Variants in QSOX1 observed in about 807,000 individuals in gnomAD.
QSOX1 encodes quiescin sulfhydryl oxidase 1.
QSOX1 carries 40 observed loss-of-function variants against 76.1 expected under a neutral mutation model. That is an observed-to-expected ratio of 0.53 (90% CI 0.41 to 0.68). QSOX1 has a LOEUF of 0.68. Ranked by LOEUF, QSOX1 falls within the 30% of genes least tolerant of loss-of-function variation. The probability of loss-of-function intolerance (pLI) is 0.00; values close to 1 mark genes in which losing one functional copy is unlikely to be tolerated. For missense variants in QSOX1, 931 were observed against 974.3 expected (o/e 0.96, Z 0.59); for synonymous variants, 392 against 413.1 (o/e 0.95, Z 0.62).
chr1:180,157,928 T>C (rs1353875953), intron 1 of QSOX1, among the ~76,000 whole-genome samples: 1 of 152,230 alleles, frequency 6.6e-6, no homozygotes, highest in Non-Finnish European at 1.5e-5. Flanking sequence ...CCATTTCTTA[T>C]GGGAACCCAG....
chr1:180,198,209 T>C lies in QSOX1; in HGVS notation c.*1172T>C, dbSNP rs1663553540. The C allele has an allele frequency of 2.2e-6, 1 of 456,576 alleles. No homozygotes were observed. The highest frequency in any genetic ancestry group is 4.4e-6 in the Non-Finnish European group (1 of 226,964). 28.3% of individuals were successfully genotyped at this position (456,576 alleles called of 1,614,324 possible). On this transcript the variant is annotated 3_prime_UTR_variant, in exon 12 of 12. Coordinates refer to ENST00000367602, the MANE Select transcript of QSOX1 (RefSeq NM_002826.5). ...GCACCCAAACCCCATGGCCTTTTCA[T>C]GCACGGAGACAGGCCTCTGGATGTG...
At chr1:180,156,526 CTT>C (rs1363025527) in intron 1 of QSOX1, among the ~76,000 whole-genome samples, 4 of 152,202 alleles carry the variant, frequency 2.6e-5, no homozygotes, top group African/African-American at 9.7e-5. Context: ...TCACCCTCCT[CTT>C]TTCCTGAGCA....
chr1:180,172,707 C>T (rs10913937), intron 2 of QSOX1, among the ~76,000 whole-genome samples: 1 of 151,754 alleles, frequency 6.6e-6, no homozygotes, highest in Non-Finnish European at 1.5e-5. Context: ...TTAGTAGAGA[C>T]GGGGTTTTAC....
chr1:180,180,298 C>T (rs1345787051), intron 5 of QSOX1, among the ~76,000 whole-genome samples: 1 of 152,192 alleles, frequency 6.6e-6, no homozygotes, highest in Non-Finnish European at 1.5e-5. Context: ...GCAACCTCCA[C>T]CTCCCAGGTT....
intron 1 of QSOX1, among the ~76,000 whole-genome samples, chr1:180,158,341 A>G (rs1662416895): frequency 6.6e-6 from 1 of 152,212 alleles, no homozygotes; most frequent in African/African-American, 2.4e-5. Flanking sequence ...TCCACGGCAC[A>G]GGCCACATCT....
At chr1:180,164,674 G>A (rs1379501917) in intron 1 of QSOX1, among the ~76,000 whole-genome samples, 1 of 152,214 alleles carries the variant, frequency 6.6e-6, no homozygotes, top group African/African-American at 2.4e-5. Context: ...CAGGCGTAAC[G>A]TGTTCTTAGG....
chr1:180,161,158 CTAAAATAAAA>C (rs914503701), intron 1 of QSOX1, among the ~76,000 whole-genome samples: 2 of 151,970 alleles, frequency 1.3e-5, no homozygotes, highest in East Asian at 3.8e-4. Flanking sequence ...AAGACTCCAT[CTAAAATAAAA>C]TAAAATAAAA....
rs1271025637 is a variant in QSOX1 at position 180,155,168 on chromosome 1, C to A, written c.261C>A (p.Val87=). 6.6e-6 allele frequency: 10 copies of A among 1,506,922 alleles called. No homozygotes were observed. The South Asian group carries it at 1.2e-4, about 19-fold the overall frequency. The allele number at this position is 1,506,922 out of a possible 1,614,324, so 93.3% of individuals were successfully genotyped here. ...CGTGGAAGGCGCTGGCCGAAGACGT[C>A]AAAGGTGAGAAGCGGGGGCGGCCCG... The part of the protein sequence containing the change: ...APTWKALAED[V]KAWRPALYLA... The change falls in exon 1 of 12, where the codon GTC becomes GTA. Residue 87 remains valine (V), a synonymous_variant. Transcript: ENST00000367602.
At chr1:180,159,358 T>C (rs1376022008) in intron 1 of QSOX1, among the ~76,000 whole-genome samples, 1 of 152,222 alleles carries the variant, frequency 6.6e-6, no homozygotes, top group African/African-American at 2.4e-5. Context: ...TGCATTGCGT[T>C]GACAGTAAAG....
chr1:180,194,355 C>G lies in QSOX1; in HGVS notation c.1431C>G (p.Leu477=). The G allele has an allele frequency of 6.3e-7, 1 of 1,588,486 alleles. No homozygotes were observed. The highest frequency in any genetic ancestry group is 1.1e-5 in the South Asian group (1 of 87,984). Residue 477 remains leucine (L), a synonymous_variant, in exon 11 of 12, where the codon CTC becomes CTG. Transcript: ENST00000367602. ...GTCCCAACGCCGCTGTCCTCTGGCT[C>G]TGGTCTAGCCACAACAGGGTCAATG... ...VGSPNAAVLW[L]WSSHNRVNAR...
chr1:180,173,244 G>C (rs1245782212), intron 2 of QSOX1, among the ~76,000 whole-genome samples: 1 of 152,140 alleles, frequency 6.6e-6, no homozygotes, highest in Middle Eastern at 3.4e-3. Flanking sequence ...TTACAGGTGC[G>C]AGCCACTGCA....
intron 1 of QSOX1, among the ~76,000 whole-genome samples, chr1:180,165,401 G>T (rs899313362): frequency 9.9e-5 from 15 of 152,244 alleles, no homozygotes; most frequent in African/African-American, 3.6e-4. Flanking sequence ...TCCCAGTCTG[G>T]TCTCTTCTTG....
chr1:180,187,823 G>A (rs1056731034), intron 8 of QSOX1, among the ~76,000 whole-genome samples: 1 of 152,220 alleles, frequency 6.6e-6, no homozygotes, highest in African/African-American at 2.4e-5. Flanking sequence ...TAGCAGCAGA[G>A]GCATCGGGGG....
rs766803978 is a variant in QSOX1, at chr1:180,196,963, CT to C, written c.2171del (p.Leu724ArgfsTer12). The C allele has an allele frequency of 3.1e-6, 5 of 1,611,272 alleles. No individual in the cohort carries two copies. On this transcript the variant is annotated frameshift_variant, in exon 12 of 12. Transcript: ENST00000367602. LOFTEE classifies it high-confidence loss of function. The surrounding 1 kb of genome is among the most constrained non-coding windows in gnomAD (Gnocchi z 4.1). ...GCTCTATTCCCTGTCCTTCATGGGCCTGCTGGCCATGTACACCTACTTCCAG... is the reference window on the plus strand; with the variant it reads ...GCTCTATTCCCTGTCCTTCATGGGCCGCTGGCCATGTACACCTACTTCCAG... ...VGLYSLSFMG[L>X]LAMYTYFQAK...
intron 4 of QSOX1, among the ~76,000 whole-genome samples, chr1:180,177,283 C>T (rs1030719826): frequency 1.4e-5 from 2 of 147,518 alleles, no homozygotes; most frequent in South Asian, 2.1e-4. Flanking sequence ...GACAGAATCT[C>T]GCTCTGTTGC....
At chr1:180,181,068 C>G (rs1021426234) in intron 5 of QSOX1, among the ~76,000 whole-genome samples, 4 of 152,176 alleles carry the variant, frequency 2.6e-5, no homozygotes, top group Non-Finnish European at 5.9e-5. Flanking sequence ...CTGAGAATAG[C>G]TGCTATTTCA....
chr1:180,177,443 T>C (rs1319897901), intron 4 of QSOX1, among the ~76,000 whole-genome samples: 2 of 152,106 alleles, frequency 1.3e-5, no homozygotes, highest in Non-Finnish European at 2.9e-5. Context: ...TTAGTAGAGA[T>C]GGGGTTTCAC....
At chr1:180,195,098 C>T (rs548974760) in intron 11 of QSOX1, among the ~76,000 whole-genome samples, 1 of 152,058 alleles carries the variant, frequency 6.6e-6, no homozygotes, top group African/African-American at 2.4e-5. Flanking sequence ...GGCCTCCTAT[C>T]GAACTTTGAA....
Position 180,168,704 on chromosome 1 carries a change from A to G in QSOX1, c.366+2113A>G, listed in dbSNP as rs150472198. ...TTTAAATCCGGCTGTGATTAAATACATTGATTTGACAGCTCATTACAAGGT... is the reference window on the plus strand; with the variant it reads ...TTTAAATCCGGCTGTGATTAAATACGTTGATTTGACAGCTCATTACAAGGT... On this transcript the variant is annotated intron_variant, in intron 2 of 11. Transcript: ENST00000367602. 3.5e-3 allele frequency among the ~76,000 whole-genome samples: 526 copies of G among 152,132 alleles called. 3 individuals carry two copies. Among genetic ancestry groups the G allele is most frequent in the Middle Eastern group, 6.8e-3 (2 of 294 alleles).
Sources: allele counts gnomAD v4.1 joint callset (sites outside exome capture counted in the v4.1 genomes callset), GRCh38; gene constraint gnomAD v4.1.1; non-coding constraint Gnocchi (gnomAD v3.1); transcripts MANE v1.5; gene names NCBI Gene and HGNC (gene_info 2026-07-23, HGNC 2026-07-21).